The following ZNF540 variants were observed in gnomAD, a reference collection of about 807,000 sequenced individuals.
The protein encoded by ZNF540 is zinc finger protein 540.
Under a neutral mutation model 11.8 loss-of-function variants are expected in ZNF540, and 3 were observed. The ratio of observed to expected loss-of-function variants is 0.25; its 90% confidence interval spans 0.12 to 0.65. The LOEUF (loss-of-function observed/expected upper bound fraction) is 0.65, where lower values mean the gene tolerates loss of function less well. ZNF540 is among the 30% of genes least tolerant of loss of function. The probability of loss-of-function intolerance (pLI) is 0.83; values close to 1 mark genes in which losing one functional copy is unlikely to be tolerated. For missense variants in ZNF540, 709 were observed against 793.1 expected (o/e 0.89, Z 1.27); for synonymous variants, 247 against 259.0 (o/e 0.95, Z 0.45).
At chr19:37,567,412 G>A (rs1029749843) in intron 1 of ZNF540, among the ~76,000 whole-genome samples, 10 of 152,062 alleles carry the variant, frequency 6.6e-5, no homozygotes. Flanking sequence ...TCTTTCAATG[G>A]TTTACCCTTG....
intron 1 of ZNF540, among the ~76,000 whole-genome samples, chr19:37,576,989 A>C (rs188447828): frequency 3.2e-3 from 485 of 152,284 alleles, no homozygotes; most frequent in African/African-American, 0.011. Context: ...ATCTTCTGCA[A>C]AACCTTAAAA....
chr19:37,556,100 G>C, intron 1 of ZNF540: 1 of 702,772 alleles, frequency 1.4e-6, no homozygotes. Flanking sequence ...CTGCTGCAAG[G>C]TTGACACTTC....
chr19:37,604,101 C>T (rs2044062163), intron 4 of ZNF540, among the ~76,000 whole-genome samples: 1 of 151,832 alleles, frequency 6.6e-6, no homozygotes, highest in Admixed American at 6.6e-5. Flanking sequence ...ATTATCTGTT[C>T]TTTAAAACTT....
chr19:37,563,416 A>G (rs1237566883), intron 1 of ZNF540: 1 of 152,158 alleles, frequency 6.6e-6, no homozygotes, highest in African/African-American at 2.4e-5. Context: ...ACCATTCAGT[A>G]TATCAGAAAT....
At chr19:37,564,836 T>G (rs746857945) in intron 1 of ZNF540, 10 of 1,613,936 alleles carry the variant, frequency 6.2e-6, no homozygotes, top group Non-Finnish European at 8.5e-6. Context: ...CTGTTTACAT[T>G]CATAAGGTTT....
At chr19:37,559,867 T>C (rs1425537597) in intron 1 of ZNF540, among the ~76,000 whole-genome samples, 2 of 152,264 alleles carry the variant, frequency 1.3e-5, no homozygotes, top group African/African-American at 4.8e-5. Flanking sequence ...TATCCTATTA[T>C]AGTATACTGT....
upstream of ZNF540, among the ~76,000 whole-genome samples, chr19:37,590,751 A>AT (rs1366655657): frequency 1.3e-5 from 2 of 152,308 alleles, no homozygotes; most frequent in Non-Finnish European, 2.9e-5. Context: ...GTGTAATATT[A>AT]TATCAAAATA....
intron 1 of ZNF540, chr19:37,563,676 TAC>T (rs1490122202): frequency 6.6e-6 from 1 of 152,084 alleles, no homozygotes; most frequent in Admixed American, 6.5e-5. Context: ...GGGGACTATA[TAC>T]ACACGTGGAA....
intron 1 of ZNF540, among the ~76,000 whole-genome samples, chr19:37,571,514 A>G (rs529414917): frequency 1.6e-4 from 25 of 152,188 alleles, no homozygotes; most frequent in African/African-American, 5.8e-4. Flanking sequence ...AAAAACAAAC[A>G]AAAAAACAAA....
At chr19:37,556,590 C>G (rs1159177980) in intron 1 of ZNF540, among the ~76,000 whole-genome samples, 1 of 152,122 alleles carries the variant, frequency 6.6e-6, no homozygotes, top group Non-Finnish European at 1.5e-5. Flanking sequence ...ATGGCAGGAC[C>G]CTGTCTGGTC....
intron 1 of ZNF540, among the ~76,000 whole-genome samples, chr19:37,596,827 C>T (rs1312649590): frequency 1.3e-5 from 2 of 152,036 alleles, no homozygotes; most frequent in Admixed American, 6.6e-5. Context: ...TCAATGTTCC[C>T]GTGTTGTAAA....
intron 1 of ZNF540, chr19:37,586,808 A>G: frequency 1.1e-6 from 1 of 926,044 alleles, no homozygotes; most frequent in Non-Finnish European, 1.7e-6. Context: ...TAAACTACTT[A>G]GAACTACCTT....
At chr19:37,566,465 G>A (rs1311262466) in intron 1 of ZNF540, 50 of 709,694 alleles carry the variant, frequency 7.0e-5, no homozygotes, top group Non-Finnish European at 1.1e-4. Flanking sequence ...AAAGAAAAAG[G>A]AGAGCTTATA....
intron 2 of ZNF540, 142 bp downstream of exon 2, chr19:37,598,598 T>C: frequency 1.2e-6 from 1 of 827,414 alleles, no homozygotes; most frequent in East Asian, 2.6e-5. Context: ...CCCCCTCTCT[T>C]TTCTAACCAG....
At chr19:37,577,029 G>A (rs1011183037) in intron 1 of ZNF540, among the ~76,000 whole-genome samples, 1 of 151,978 alleles carries the variant, frequency 6.6e-6, no homozygotes, top group African/African-American at 2.4e-5. Context: ...TACATAAAAC[G>A]TTAGGTCATG....
At chr19:37,567,020 T>TA (rs1206049332) in intron 1 of ZNF540, among the ~76,000 whole-genome samples, 1 of 152,148 alleles carries the variant, frequency 6.6e-6, no homozygotes, top group Admixed American at 6.5e-5. Flanking sequence ...TCCTTGGTGT[T>TA]AAAAAAGTGT....
chr19:37,567,960 A>G (rs964530569), intron 1 of ZNF540, among the ~76,000 whole-genome samples: 1 of 152,168 alleles, frequency 6.6e-6, no homozygotes, highest in Non-Finnish European at 1.5e-5. Flanking sequence ...TTACTTTCCA[A>G]TATTTATTAC....
In ZNF540 at chr19:37,612,291, T is replaced by C; in HGVS notation, c.1011T>C (p.Ser337=). The change falls in exon 5 of 5, where the codon AGT becomes AGC. Residue 337 remains serine (S), a synonymous_variant. Coordinates refer to ENST00000316433, the MANE Select transcript of ZNF540 (RefSeq NM_001172225.3). ...YECKECGKAF[S]VCGQLTRHQK... is the part of the protein sequence containing the mutation. ...GTAAGGAGTGTGGGAAAGCTTTTAGTGTATGCGGACAACTTACCCGTCATC... is the reference window on the plus strand; with the variant it reads ...GTAAGGAGTGTGGGAAAGCTTTTAGCGTATGCGGACAACTTACCCGTCATC... The C allele has an allele frequency of 6.2e-7, 1 of 1,613,996 alleles. No homozygotes were observed. The highest frequency in any genetic ancestry group is 1.1e-5 in the South Asian group (1 of 91,072).
chr19:37,608,969 T>G (rs1186806408), intron 4 of ZNF540, among the ~76,000 whole-genome samples: 2 of 152,114 alleles, frequency 1.3e-5, no homozygotes, highest in East Asian at 3.9e-4. Flanking sequence ...GGCTCTTTTC[T>G]TATTTAGATT....
Sources: allele counts gnomAD v4.1 joint callset (sites outside exome capture counted in the v4.1 genomes callset), GRCh38; gene constraint gnomAD v4.1.1; transcripts MANE v1.5; gene names NCBI Gene and HGNC (gene_info 2026-07-23, HGNC 2026-07-21).